The following IGSF10 variants were observed in gnomAD, a reference collection of about 807,000 sequenced individuals.
IGSF10 encodes the protein calvaria mechanical force protein 608.
In IGSF10, 126 loss-of-function variants were observed where a neutral mutation model predicts 128.2. The observed-to-expected ratio is 0.98, with a 90% CI of 0.85 to 1.14. The LOEUF (loss-of-function observed/expected upper bound fraction) is 1.14, where lower values mean the gene tolerates loss of function less well. IGSF10 is among the 50% of genes most tolerant of loss of function. IGSF10 has a pLI of 0.00. For missense variants in IGSF10, 3,295 were observed against 3,149.8 expected (o/e 1.05, Z -1.10); for synonymous variants, 1,185 against 1,146.2 (o/e 1.03, Z -0.68).
At chr3:151,539,694 T>C in the IGSF10 span, among the ~76,000 whole-genome samples, 34 of 152,276 alleles carry the variant, frequency 2.2e-4, no homozygotes, top group African/African-American at 6.5e-4. Flanking sequence ...GTTCTCTCAA[T>C]AGATAGTGAA....
chr3:151,523,058 C>T, the IGSF10 span, among the ~76,000 whole-genome samples: 1 of 152,098 alleles, frequency 6.6e-6, no homozygotes, highest in East Asian at 1.9e-4. Context: ...AAGGCAATCC[C>T]ATTCACAATA....
chr3:151,482,492 G>T, the IGSF10 span, among the ~76,000 whole-genome samples: 1 of 152,262 alleles, frequency 6.6e-6, no homozygotes, highest in Middle Eastern at 3.4e-3. Context: ...TTGAAGACTG[G>T]TTTTTTAACA....
the IGSF10 span, among the ~76,000 whole-genome samples, chr3:151,509,989 G>C: frequency 6.6e-6 from 1 of 152,180 alleles, no homozygotes; most frequent in Non-Finnish European, 1.5e-5. Flanking sequence ...AGCTGGAACT[G>C]GGTGGAGCCC....
chr3:151,587,011 A>C, the IGSF10 span, among the ~76,000 whole-genome samples: 1 of 152,252 alleles, frequency 6.6e-6, no homozygotes, highest in Non-Finnish European at 1.5e-5. Context: ...AGGAATTAAT[A>C]AAGTAAATAA....
chr3:151,515,584 C>T, the IGSF10 span, among the ~76,000 whole-genome samples: 4 of 151,226 alleles, frequency 2.6e-5, no homozygotes, highest in South Asian at 2.1e-4. Flanking sequence ...CAAACCTGCA[C>T]GTTGTGTACA....
chr3:151,548,923 T>G, the IGSF10 span, among the ~76,000 whole-genome samples: 1 of 152,024 alleles, frequency 6.6e-6, no homozygotes, highest in Non-Finnish European at 1.5e-5. Flanking sequence ...TTTCAACACT[T>G]TTATTAAGGG....
chr3:151,474,759 GC>G, the IGSF10 span, among the ~76,000 whole-genome samples: 2 of 152,206 alleles, frequency 1.3e-5, no homozygotes, highest in Non-Finnish European at 2.9e-5. Context: ...GGCTGGGGAA[GC>G]CTCACAATCA....
chr3:151,606,947 GA>G, the IGSF10 span, among the ~76,000 whole-genome samples: 2 of 152,292 alleles, frequency 1.3e-5, no homozygotes, highest in South Asian at 4.1e-4. Context: ...TTTCCACAGG[GA>G]CAGTATTGTA....
At chr3:151,522,638 C>T in the IGSF10 span, among the ~76,000 whole-genome samples, 4 of 152,024 alleles carry the variant, frequency 2.6e-5, no homozygotes, top group Non-Finnish European at 5.9e-5. Context: ...TAAAATTCAA[C>T]ACACTTAATG....
In IGSF10 at chr3:151,448,742, G is replaced by T; in HGVS notation, c.1239C>A (p.Asp413Glu). The T allele has an allele frequency of 6.2e-7, 1 of 1,613,670 alleles. No homozygotes were observed. The highest frequency in any genetic ancestry group is 8.5e-7 in the Non-Finnish European group (1 of 1,179,588). ...KYKQVAPKPE[D>E]IFTNIEADLR... is the part of the protein sequence containing the mutation. ...GATCTGCCTCTATGTTGGTAAAAAT[G>T]TCTTCAGGCTTAGGAGCCACCTGTT... Residue 413 changes from aspartate to glutamate, a missense_variant, in exon 6 of 8, where the codon GAC becomes GAA. Physicochemically the swap from Asp to Glu is conservative, Grantham distance 45. Coordinates refer to ENST00000282466, the MANE Select transcript of IGSF10 (RefSeq NM_178822.5).
chr3:151,465,740 A>G (rs1722259616), upstream of IGSF10, among the ~76,000 whole-genome samples: 1 of 152,170 alleles, frequency 6.6e-6, no homozygotes, highest in African/African-American at 2.4e-5. Flanking sequence ...GAGGATACCA[A>G]TGGTGCTGTT....
the IGSF10 span, among the ~76,000 whole-genome samples, chr3:151,491,293 T>C: frequency 6.6e-6 from 1 of 152,004 alleles, no homozygotes; most frequent in African/African-American, 2.4e-5. Flanking sequence ...CAAGATTGAG[T>C]TGACCAGGCG....
At chr3:151,440,161 C>T (rs1251101455) in intron 7 of IGSF10, among the ~76,000 whole-genome samples, 2 of 152,108 alleles carry the variant, frequency 1.3e-5, no homozygotes, top group East Asian at 1.9e-4. Flanking sequence ...CTCTGAGTAG[C>T]TGGGACTACA....
chr3:151,594,266 A>G, the IGSF10 span, among the ~76,000 whole-genome samples: 2 of 151,950 alleles, frequency 1.3e-5, no homozygotes, highest in East Asian at 3.9e-4. Flanking sequence ...ATGTAATAGC[A>G]GCAGAGATTT....
chr3:151,521,995 A>G, the IGSF10 span, among the ~76,000 whole-genome samples: 1 of 151,972 alleles, frequency 6.6e-6, no homozygotes, highest in Non-Finnish European at 1.5e-5. Context: ...AAATAAACAC[A>G]ATTAGAAATG....
At chr3:151,508,007 A>T in the IGSF10 span, among the ~76,000 whole-genome samples, 2,283 of 152,286 alleles carry the variant, frequency 0.015, 19 homozygotes, top group Middle Eastern at 0.027. Flanking sequence ...AATGGTTTTT[A>T]TCTACAAATA....
the IGSF10 span, among the ~76,000 whole-genome samples, chr3:151,500,970 CATG>C: frequency 0.028 from 4,234 of 152,122 alleles, 119 homozygotes; most frequent in African/African-American, 0.065. Context: ...CTAGAAGTCA[CATG>C]ATATTATGTA....
At chr3:151,478,230 A>T in the IGSF10 span, among the ~76,000 whole-genome samples, 1 of 152,206 alleles carries the variant, frequency 6.6e-6, no homozygotes, top group Non-Finnish European at 1.5e-5. Flanking sequence ...ATTTGACCAT[A>T]GTTTGCCTGC....
At chr3:151,609,873 G>A in the IGSF10 span, among the ~76,000 whole-genome samples, 1 of 152,090 alleles carries the variant, frequency 6.6e-6, no homozygotes, top group Non-Finnish European at 1.5e-5. Flanking sequence ...GCTGATAACT[G>A]TCTATTGGGT....
Sources: gnomAD v4.1 joint callset for allele counts (sites outside exome capture counted in the v4.1 genomes callset) on GRCh38, gnomAD v4.1.1 for gene constraint, MANE v1.5 for transcripts, NCBI Gene and HGNC (gene_info 2026-07-23, HGNC 2026-07-21) for gene names.